SRGAP3: variants seen among roughly 807,000 people sequenced by gnomAD.
SRGAP3 encodes the protein SLIT-ROBO Rho GTPase-activating protein 3.
Under a neutral mutation model 121.1 loss-of-function variants are expected in SRGAP3, and 39 were observed. The observed-to-expected ratio is 0.32, with a 90% confidence interval of 0.25 to 0.42. The LOEUF (loss-of-function observed/expected upper bound fraction) is 0.42, where lower values mean the gene tolerates loss of function less well. Ranked by LOEUF, SRGAP3 falls within the 10% of genes least tolerant of loss-of-function variation. The pLI is 1.00. For synonymous variants in SRGAP3, 601 were observed against 570.0 expected (o/e 1.05, Z -0.77); for missense variants, 1,213 against 1,470.6 (o/e 0.82, Z 2.86).
intron 4 of SRGAP3, among the ~76,000 whole-genome samples, chr3:9,070,742 G>T (rs539183525): frequency 6.6e-6 from 1 of 152,314 alleles, no homozygotes; most frequent in East Asian, 1.9e-4. Flanking sequence ...ATACTTGGAA[G>T]TAGGGAGATT....
chr3:9,052,809 A>T (rs989682700), intron 9 of SRGAP3, among the ~76,000 whole-genome samples: 2 of 152,162 alleles, frequency 1.3e-5, no homozygotes, highest in Non-Finnish European at 2.9e-5. Flanking sequence ...TTCAATAATC[A>T]TCACCCAAGA....
chr3:9,138,602 T>C (rs980125198), intron 1 of SRGAP3, among the ~76,000 whole-genome samples: 3 of 152,184 alleles, frequency 2.0e-5, no homozygotes, highest in South Asian at 2.1e-4. Flanking sequence ...ATCCTGTATA[T>C]ATACAGATTG....
intron 1 of SRGAP3, among the ~76,000 whole-genome samples, chr3:9,333,175 AACAAT>A (rs1955638836): frequency 6.6e-6 from 1 of 152,242 alleles, no homozygotes; most frequent in Non-Finnish European, 1.5e-5. Flanking sequence ...GAAGAATGCA[AACAAT>A]AATAAAGCCA....
chr3:9,167,077 C>A (rs780390942), intron 1 of SRGAP3, among the ~76,000 whole-genome samples: 1 of 152,150 alleles, frequency 6.6e-6, no homozygotes, highest in Non-Finnish European at 1.5e-5. Context: ...AATCCTTCTG[C>A]GAACCAGCAG....
chr3:9,000,878 T>A (rs1262758255), intron 18 of SRGAP3, among the ~76,000 whole-genome samples: 1 of 152,192 alleles, frequency 6.6e-6, no homozygotes, highest in East Asian at 1.9e-4. Flanking sequence ...AAGAGACTTC[T>A]ACCAAACCCA....
At chr3:9,270,412 G>A (rs997850330) in intron 3 of SRGAP3, among the ~76,000 whole-genome samples, 2 of 152,116 alleles carry the variant, frequency 1.3e-5, no homozygotes, top group Non-Finnish European at 2.9e-5. Flanking sequence ...GTGGCCTATG[G>A]GGGTGGAGAT....
At chr3:9,173,341 G>T (rs1327787970) in intron 1 of SRGAP3, among the ~76,000 whole-genome samples, 1 of 152,194 alleles carries the variant, frequency 6.6e-6, no homozygotes, top group African/African-American at 2.4e-5. Context: ...GATGGTCTTG[G>T]GTCATTGCCA....
intron 12 of SRGAP3, among the ~76,000 whole-genome samples, chr3:9,029,040 G>A (rs981458420): frequency 3.9e-5 from 6 of 152,142 alleles, no homozygotes; most frequent in African/African-American, 7.2e-5. Flanking sequence ...TCTAGCTAGA[G>A]TCATCTGTCC....
intron 1 of SRGAP3, among the ~76,000 whole-genome samples, chr3:9,173,149 C>T (rs552022333): frequency 2.4e-4 from 37 of 152,308 alleles, no homozygotes; most frequent in African/African-American, 7.7e-4. Context: ...CTGAGCTGGG[C>T]GCTTCCCACA....
intron 2 of SRGAP3, among the ~76,000 whole-genome samples, chr3:9,118,598 A>C (rs1948888066): frequency 6.6e-6 from 1 of 152,122 alleles, no homozygotes; most frequent in Non-Finnish European, 1.5e-5. Flanking sequence ...GTGAGTTGAA[A>C]ACCATTTATT....
At position 8,990,582 on chromosome 3, in the gene SRGAP3, G is replaced by A. The variant is rs755350040; in HGVS notation, c.2816C>T (p.Ser939Leu). The change falls in exon 21 of 22, where the codon TCG (serine) becomes TTG (leucine). Residue 939 changes from serine (S) to leucine (L), a missense_variant. Physicochemically the swap from Ser to Leu is moderately radical, Grantham distance 145. This residue lies in a region of SRGAP3 where 420 missense variants were observed against 437.7 expected (regional missense o/e 0.96). Coordinates refer to ENST00000383836, the MANE Select transcript of SRGAP3 (RefSeq NM_014850.4). Reference sequence around the variant, plus strand: ...GCTGTGCCTGGTGGAACCGCAGGTCGACCTCATCGAGTGCCCTTCGGAGAG... The same window carrying A: ...GCTGTGCCTGGTGGAACCGCAGGTCAACCTCATCGAGTGCCCTTCGGAGAG... ...KALSEGHSMRSTCGSTRHSSL... is the reference protein window; with the variant it reads ...KALSEGHSMRLTCGSTRHSSL... 1.5e-5 allele frequency: 24 copies of A among 1,595,124 alleles called. No homozygotes were observed. Among genetic ancestry groups the A allele is most frequent in the Non-Finnish European group, 1.8e-5 (21 of 1,171,380 alleles).
chr3:9,299,359 CA>C (rs35608018), intron 3 of SRGAP3, among the ~76,000 whole-genome samples: 31,519 of 91,076 alleles, frequency 0.35, 3,213 homozygotes, highest in Non-Finnish European at 0.38. Flanking sequence ...GACTCCGTCC[CA>C]AAAAAAAAAA....
At chr3:9,184,477 G>C (rs1951533536) in intron 1 of SRGAP3, among the ~76,000 whole-genome samples, 1 of 152,136 alleles carries the variant, frequency 6.6e-6, no homozygotes, top group Non-Finnish European at 1.5e-5. Context: ...GGGATAAGTA[G>C]ACCTCAAGGT....
At chr3:9,159,530 C>T (rs74878946) in intron 1 of SRGAP3, among the ~76,000 whole-genome samples, 80 of 152,332 alleles carry the variant, frequency 5.3e-4, no homozygotes, top group African/African-American at 1.9e-3. Context: ...AACAAAGACA[C>T]GATCCTGGGC....
chr3:9,174,447 C>T lies in SRGAP3; in HGVS notation c.68-49530G>A, dbSNP rs113369004. On this transcript the variant is annotated intron_variant, in intron 1 of 21. Transcript: ENST00000383836. ...AGATGGGAGGAAGGAAGAAAGGAAA[C>T]GGAGGGAGAAAGCAAGGTGGAGGGA... is the stretch of plus-strand genomic sequence containing the variant. Among the ~76,000 whole-genome samples the T allele has an allele frequency of 2.4e-3, 371 of 152,058 alleles. 5 individuals carry two copies. Among genetic ancestry groups the T allele is most frequent in the African/African-American group, 8.2e-3 (339 of 41,450 alleles).
chr3:9,154,622 G>T (rs758402860), intron 1 of SRGAP3, among the ~76,000 whole-genome samples: 1 of 152,198 alleles, frequency 6.6e-6, no homozygotes, highest in African/African-American at 2.4e-5. Context: ...AAACCAGAGA[G>T]CCCAAGGAAC....
chr3:9,357,690 C>T (rs999761776), intron 1 of SRGAP3, among the ~76,000 whole-genome samples: 1 of 151,276 alleles, frequency 6.6e-6, no homozygotes, highest in Non-Finnish European at 1.5e-5. Context: ...AATAACTTTG[C>T]TTTGTTTTCA....
rs57271683 is a variant in SRGAP3, at chr3:9,004,593, T to C, written c.2227+5715A>G. Among the ~76,000 whole-genome samples the C allele has an allele frequency of 3.8e-3, 582 of 152,314 alleles. 5 individuals carry two copies. Among genetic ancestry groups the C allele is most frequent in the African/African-American group, 0.013 (545 of 41,570 alleles). ...AGACATATTGGTCAGTGGAATAGCA[T>C]TGCAAGTTCAAAAATAAACCCATAC... On this transcript the variant is annotated intron_variant, in intron 18 of 21. Transcript: ENST00000383836.
chr3:9,087,070 C>T (rs1947533891), intron 3 of SRGAP3, among the ~76,000 whole-genome samples: 1 of 151,550 alleles, frequency 6.6e-6, no homozygotes, highest in Admixed American at 6.6e-5. Flanking sequence ...ATATAAAATA[C>T]ACATTATATG....
Sources: gnomAD v4.1 joint callset for allele counts (sites outside exome capture counted in the v4.1 genomes callset) on GRCh38, gnomAD v4.1.1 for gene constraint, gnomAD v4.1.1 regional missense constraint, MANE v1.5 for transcripts, NCBI Gene and HGNC (gene_info 2026-07-23, HGNC 2026-07-21) for gene names.